The following TPTE variants were observed in gnomAD, a reference collection of about 807,000 sequenced individuals.
The protein encoded by TPTE is transmembrane phosphatase with tensin homology.
Under a neutral mutation model 84.1 loss-of-function variants are expected in TPTE, and 59 were observed. The observed-to-expected ratio is 0.70, with a 90% CI of 0.57 to 0.87. The LOEUF is 0.87. TPTE is among the 40% of genes least tolerant of loss of function. The probability of loss-of-function intolerance (pLI) is 0.00; values close to 1 mark genes in which losing one functional copy is unlikely to be tolerated. For synonymous variants in TPTE, 130 were observed against 223.5 expected, an observed-to-expected ratio of 0.58 and a Z score of 3.73; for missense variants, 382 against 659.6, an observed-to-expected ratio of 0.58 and a Z score of 4.61.
intron 14 of TPTE, among the ~76,000 whole-genome samples, chr21:10,571,275 C>T (rs1486312383): frequency 6.6e-6 from 1 of 152,312 alleles, no homozygotes; most frequent in Non-Finnish European, 1.5e-5. Flanking sequence ...AAAAAAGTCA[C>T]CTGAAGACTA....
At chr21:10,548,011 C>G (rs376634375) in intron 7 of TPTE, among the ~76,000 whole-genome samples, 10 of 152,424 alleles carry the variant, frequency 6.6e-5, no homozygotes, top group African/African-American at 2.2e-4. Flanking sequence ...AACAGCCTTG[C>G]GGGCCCCATC....
At chr21:10,566,262 G>C (rs1258622332) in intron 10 of TPTE, among the ~76,000 whole-genome samples, 2 of 152,310 alleles carry the variant, frequency 1.3e-5, no homozygotes, top group Admixed American at 1.3e-4. Context: ...TGCTTGACAT[G>C]ATTGATCATT....
intron 2 of TPTE, among the ~76,000 whole-genome samples, chr21:10,526,610 G>A (rs1171574747): frequency 6.6e-6 from 1 of 152,312 alleles, no homozygotes; most frequent in Non-Finnish European, 1.5e-5. Context: ...AAATTGTGGT[G>A]AAGAGCATTA....
intron 14 of TPTE, among the ~76,000 whole-genome samples, chr21:10,574,712 C>G (rs2075116615): frequency 6.6e-6 from 1 of 152,310 alleles, no homozygotes; most frequent in East Asian, 1.9e-4. Context: ...ACCCCCACTC[C>G]CAGCCAAGGG....
chr21:10,532,968 T>C (rs2074204996), intron 3 of TPTE, among the ~76,000 whole-genome samples: 1 of 152,310 alleles, frequency 6.6e-6, no homozygotes, highest in African/African-American at 2.4e-5. Flanking sequence ...TTGTCTCCAT[T>C]AGATACTTAA....
At chr21:10,564,387 G>A (rs1407959493) in intron 10 of TPTE, among the ~76,000 whole-genome samples, 1 of 152,302 alleles carries the variant, frequency 6.6e-6, no homozygotes, top group East Asian at 1.9e-4. Flanking sequence ...CCGGGCACCT[G>A]TAATTTCAGC....
chr21:10,567,320 G>A (rs1392567845), intron 10 of TPTE, among the ~76,000 whole-genome samples: 1 of 152,428 alleles, frequency 6.6e-6, no homozygotes, highest in Non-Finnish European at 1.5e-5. Context: ...GACTGAAAGA[G>A]TGTAATTGGA....
At chr21:10,556,510 C>A (rs2074687242) in intron 8 of TPTE, among the ~76,000 whole-genome samples, 1 of 152,308 alleles carries the variant, frequency 6.6e-6, no homozygotes, top group African/African-American at 2.4e-5. Context: ...CATACGTGTG[C>A]ATGTGTCTTT....
rs111657679 is a variant in TPTE, at chr21:10,552,686, T to A, written c.203T>A (p.Val68Asp). The A allele has an allele frequency of 0.045, 70,097 of 1,559,110 alleles. 25 individuals carry two copies. The highest frequency in any genetic ancestry group is 0.051 in the Non-Finnish European group (58,394 of 1,136,128). Residue 68 changes from valine (V) to aspartate (D), a missense_variant, in exon 8 of 24, where the codon GTT becomes GAT. Val to Asp is a radical substitution (Grantham distance 152). This residue lies in a region of TPTE where 2 missense variants were observed against 46.7 expected (regional missense o/e 0.04). Transcript: ENST00000618007. ...SVLARLSKFE[V>D]EDAENVASYD... is the part of the protein sequence containing the mutation. ...TTAGCACGACTTTCCAAGTTTGAAG[T>A]TGAAGATGCTGAAAATGTTGCTTCA...
chr21:10,532,373 A>T (rs2074193242), intron 3 of TPTE, among the ~76,000 whole-genome samples: 1 of 152,304 alleles, frequency 6.6e-6, no homozygotes, highest in Admixed American at 6.5e-5. Flanking sequence ...TGTACATTTT[A>T]TTTGGATATT....
chr21:10,523,090 C>G (rs2074012522), intron 1 of TPTE, among the ~76,000 whole-genome samples: 1 of 152,302 alleles, frequency 6.6e-6, no homozygotes, highest in African/African-American at 2.4e-5. Flanking sequence ...TGGTTATTCT[C>G]TGTAACCCAC....
At chr21:10,558,886 A>G (rs1279920841) in intron 8 of TPTE, among the ~76,000 whole-genome samples, 1 of 152,300 alleles carries the variant, frequency 6.6e-6, no homozygotes, top group Non-Finnish European at 1.5e-5. Flanking sequence ...TCCATCAAAC[A>G]GGTTCTCCTT....
rs201139161 is a variant in TPTE at position 10,563,077 on chromosome 21, G to A, written c.446+1886G>A. 2.7e-4 allele frequency among the ~76,000 whole-genome samples: 41 copies of A among 152,420 alleles called. No individual in the cohort carries two copies. In the East Asian group the frequency reaches 6.2e-3, roughly 23 times the overall value. ...TGGCAGCAGACTCTTTAGTAGAAAC[G>A]TTTCAGGCCAGGAGAGAGTGGCATG... On this transcript the variant is annotated intron_variant, in intron 10 of 23. Coordinates refer to ENST00000618007, the MANE Select transcript of TPTE (RefSeq NM_199261.4).
intron 3 of TPTE, among the ~76,000 whole-genome samples, chr21:10,534,870 A>G (rs1305573035): frequency 4.4e-4 from 67 of 152,274 alleles, no homozygotes; most frequent in Admixed American, 4.4e-3. Context: ...AACTTTCAGA[A>G]AACTGTTGGA....
intron 22 of TPTE, 61 bp from the exon 23 acceptor site, chr21:10,603,501 T>C (rs1978845293): frequency 1.3e-6 from 2 of 1,495,516 alleles, no homozygotes; most frequent in Non-Finnish European, 1.8e-6. Context: ...GGAACTTCAA[T>C]TTCTTTGGAA....
chr21:10,600,356 C>T (rs1351240862), intron 21 of TPTE, among the ~76,000 whole-genome samples: 1 of 152,306 alleles, frequency 6.6e-6, no homozygotes, highest in African/African-American at 2.4e-5. Flanking sequence ...TCAGGCTGGT[C>T]TCAAACTCTT....
chr21:10,562,318 C>T (rs1444208347), intron 10 of TPTE, among the ~76,000 whole-genome samples: 2 of 152,306 alleles, frequency 1.3e-5, no homozygotes, highest in East Asian at 3.8e-4. Flanking sequence ...GTGAAAACTA[C>T]AATCAATACC....
intron 10 of TPTE, among the ~76,000 whole-genome samples, chr21:10,566,529 C>A (rs1241115664): frequency 6.6e-6 from 1 of 152,310 alleles, no homozygotes; most frequent in Non-Finnish European, 1.5e-5. Flanking sequence ...AAAAGGAAAT[C>A]ACTATATAGA....
At position 10,569,508 on chromosome 21, in the gene TPTE, G is replaced by T; in HGVS notation, c.638G>T (p.Arg213Ile). 5 of 1,613,944 alleles carry T rather than the reference G, an allele frequency of 3.1e-6. No homozygotes were observed. The highest frequency in any genetic ancestry group is 4.2e-6 in the Non-Finnish European group (5 of 1,179,828). The change falls in exon 12 of 24, where the codon AGA (arginine) becomes ATA (isoleucine). Residue 213 changes from arginine to isoleucine, a missense_variant. Around this residue, in one of 10 missense-constraint regions of TPTE, gnomAD observed 85 missense variants for 230.9 expected, o/e 0.37. Transcript: ENST00000618007. ...LRIFHLFHQK[R>I]QLEKLIRRRV... ...ATTTTTCATCTGTTTCATCAAAAAA[G>T]ACAACTTGAAAAGCTGATAAGAAGG...
Sources: allele counts gnomAD v4.1 joint callset (sites outside exome capture counted in the v4.1 genomes callset), GRCh38; gene constraint gnomAD v4.1.1; regional missense constraint gnomAD v4.1.1; transcripts MANE v1.5; gene names NCBI Gene and HGNC (gene_info 2026-07-23, HGNC 2026-07-21).